The following SOD2 variants were observed in gnomAD, a reference collection of about 807,000 sequenced individuals.
SOD2 encodes superoxide dismutase [Mn], mitochondrial.
SOD2 carries 11 observed loss-of-function variants against 27.0 expected under a neutral mutation model. That is an observed-to-expected ratio of 0.41 (90% CI 0.26 to 0.67). SOD2 has a LOEUF of 0.67. Ranked by LOEUF, SOD2 falls within the 30% of genes least tolerant of loss-of-function variation. The pLI, the probability that SOD2 is intolerant of heterozygous loss-of-function variation, is 0.34. For missense variants in SOD2, 250 were observed against 274.5 expected (o/e 0.91, Z 0.63); for synonymous variants, 105 against 103.0 (o/e 1.02, Z -0.12).
upstream of SOD2, among the ~76,000 whole-genome samples, chr6:159,695,692 C>A (rs1339657726): frequency 6.6e-6 from 1 of 151,978 alleles, no homozygotes; most frequent in African/African-American, 2.4e-5. Flanking sequence ...AACAGAGTTT[C>A]TTCATGTTGC....
chr6:159,728,084 G>A (rs1472303757), upstream of SOD2, among the ~76,000 whole-genome samples: 1 of 152,222 alleles, frequency 6.6e-6, no homozygotes, highest in Non-Finnish European at 1.5e-5. Context: ...GCACTAACGA[G>A]TTCAGCAAGG....
At chr6:159,740,042 G>C (rs1779156153) in intron 1 of SOD2, among the ~76,000 whole-genome samples, 1 of 151,812 alleles carries the variant, frequency 6.6e-6, no homozygotes, top group African/African-American at 2.4e-5. Context: ...TAATAGAGGT[G>C]AGGTGCTGCT....
chr6:159,752,530 A>T (rs1583107679), intron 1 of SOD2, among the ~76,000 whole-genome samples: 1 of 152,184 alleles, frequency 6.6e-6, no homozygotes, highest in Non-Finnish European at 1.5e-5. Flanking sequence ...AGCATTTGGA[A>T]ACTATAATCT....
intron 1 of SOD2, among the ~76,000 whole-genome samples, chr6:159,699,247 T>C (rs1777484476): frequency 1.3e-5 from 2 of 152,254 alleles, no homozygotes. Flanking sequence ...TCATCACTCT[T>C]GGACCTAAAG....
upstream of SOD2, chr6:159,727,361 G>C: frequency 2.4e-6 from 3 of 1,249,478 alleles, no homozygotes; most frequent in Non-Finnish European, 3.1e-6. Flanking sequence ...CGAACATGGC[G>C]GAGCGGGGAG....
chr6:159,681,853 T>A lies in SOD2; in HGVS notation c.*640A>T, dbSNP rs5746137. On this transcript the variant is annotated 3_prime_UTR_variant, in exon 5 of 5. Coordinates refer to ENST00000538183, the MANE Select transcript of SOD2 (RefSeq NM_000636.4). ...CGCCCTGCAAATAAACATCCTCCTT[T>A]CTCCTACTGCAAAAACCACCTTTTT... The A allele has an allele frequency of 0.017, 2,539 of 152,280 alleles. 32 individuals are homozygous for A. Among genetic ancestry groups the A allele is most frequent in the Non-Finnish European group, 0.024 (1,626 of 68,038 alleles). 9.4% of individuals were successfully genotyped at this position (152,280 alleles called of 1,614,324 possible).
Position 159,672,936 on chromosome 6 carries a change from C to T in SOD2, c.*9557G>A, listed in dbSNP as rs1378287047. The T allele has an allele frequency of 5.3e-5, 8 of 151,794 alleles. No homozygotes were observed. The highest frequency in any genetic ancestry group is 7.4e-5 in the Non-Finnish European group (5 of 67,940). 9.4% of individuals were successfully genotyped at this position (151,794 alleles called of 1,614,324 possible). A position where few individuals can be genotyped will look rare whatever the true frequency, so the allele number is the denominator to read the frequency against. ...GCAAACGGAAAACAAAAAAAAAGGC[C>T]GGGGTTGCAATCCTAGTCTCTGATA... On this transcript the variant is annotated 3_prime_UTR_variant, in exon 5 of 5. Transcript: ENST00000538183.
At chr6:159,761,887 G>C (rs1780138687) in exon 1 of SOD2, 1 of 331,752 alleles carries the variant, frequency 3.0e-6, no homozygotes, top group Admixed American at 5.3e-5. Context: ...CCCGCGCCCC[G>C]CGCCCCGCGC....
chr6:159,688,872 T>C (rs958363708), intron 2 of SOD2, among the ~76,000 whole-genome samples: 3 of 152,056 alleles, frequency 2.0e-5, no homozygotes, highest in East Asian at 1.9e-4. Flanking sequence ...CCAATCTATA[T>C]AAAAGCACAC....
chr6:159,673,771 GAC>G lies in SOD2; in HGVS notation c.*8720_*8721del. The G allele has an allele frequency of 6.6e-6, 1 of 152,048 alleles. No individual in the cohort carries two copies. The highest frequency in any genetic ancestry group is 1.9e-4 in the East Asian group (1 of 5,190). 9.4% of individuals were successfully genotyped at this position (152,048 alleles called of 1,614,324 possible). ...TCAGAGCAGAACTGAAGGAGACAGAGACACAAAAAAACCTTCAAAAAATGAAT... is the reference window on the plus strand; with the variant it reads ...TCAGAGCAGAACTGAAGGAGACAGAGACAAAAAAACCTTCAAAAAATGAAT... On this transcript the variant is annotated 3_prime_UTR_variant, in exon 5 of 5. Transcript: ENST00000538183.
At chr6:159,692,433 CCCCAAGTT>C (rs1777253789) in intron 2 of SOD2, 1 of 1,402,474 alleles carries the variant, frequency 7.1e-7, no homozygotes, top group African/African-American at 1.5e-5. Context: ...CTTCGCAGGA[CCCCAAGTT>C]CCCTGAGATG....
intron 1 of SOD2, among the ~76,000 whole-genome samples, chr6:159,711,708 G>A (rs1404379846): frequency 1.9e-5 from 2 of 105,766 alleles, no homozygotes; most frequent in Non-Finnish European, 2.0e-5. Context: ...CACTCACACT[G>A]CTCTGATCAC....
At chr6:159,698,012 C>T (rs916589424), upstream of SOD2, among the ~76,000 whole-genome samples, 3 of 152,322 alleles carry the variant, frequency 2.0e-5, no homozygotes, top group South Asian at 4.1e-4. Flanking sequence ...CAGTGGCTCA[C>T]GCCTATAATC....
intron 1 of SOD2, among the ~76,000 whole-genome samples, chr6:159,736,045 G>A (rs1172980912): frequency 6.6e-6 from 1 of 152,078 alleles, no homozygotes; most frequent in Non-Finnish European, 1.5e-5. Flanking sequence ...GTTAACAAAG[G>A]AAGATCTGGG....
chr6:159,720,847 C>CTTTTTTTTTTT (rs763455003), intron 1 of SOD2, among the ~76,000 whole-genome samples: 1 of 59,962 alleles, frequency 1.7e-5, no homozygotes, highest in Non-Finnish European at 2.9e-5. Context: ...TTTTCTTTAC[C>CTTTTTTTTTTT]TTTTTTTTTT....
chr6:159,755,434 T>C lies in SOD2; in HGVS notation c.-336+5603A>G. The C allele has an allele frequency of 5.0e-6, 8 of 1,614,046 alleles. No homozygotes were observed. The Admixed American group carries it at 6.7e-5, about 13-fold the overall frequency. ...ATCAACTCAGTGCGGGGTATGAAAG[T>C]GTAGACTCTCCCACGGGCAGTGAAA... On this transcript the variant is annotated intron_variant, in intron 1 of 7. Coordinates refer to the SOD2 transcript ENST00000546087.
chr6:159,713,036 TC>T (rs1373325291), intron 1 of SOD2: 1 of 643,034 alleles, frequency 1.6e-6, no homozygotes, highest in Non-Finnish European at 2.8e-6. Context: ...TGTCATCGTG[TC>T]CAATTTCAAT....
At chr6:159,754,686 T>C (rs753751899) in intron 1 of SOD2, among the ~76,000 whole-genome samples, 4 of 152,184 alleles carry the variant, frequency 2.6e-5, no homozygotes, top group Admixed American at 6.5e-5. Context: ...AAAATAGTTA[T>C]TTTACTGTAT....
At position 159,738,670 on chromosome 6, in the gene SOD2, G is replaced by A. The variant is rs113886498; in HGVS notation, c.-116+6460C>T. Among the ~76,000 whole-genome samples, 1,092 of 152,192 alleles carry A rather than the reference G, an allele frequency of 7.2e-3. 5 individuals carry two copies. The highest frequency in any genetic ancestry group is 0.013 in the East Asian group (66 of 5,182). ...AGATACCATTTTTATATTCTCACCT[G>A]CAGTGTAGGAAACTTCAGTTTCTCT... On this transcript the variant is annotated intron_variant, in intron 1 of 3. Coordinates refer to the SOD2 transcript ENST00000537657.
Sources: allele counts gnomAD v4.1 joint callset (sites outside exome capture counted in the v4.1 genomes callset), GRCh38; gene constraint gnomAD v4.1.1; transcripts MANE v1.5; gene names NCBI Gene and HGNC (gene_info 2026-07-23, HGNC 2026-07-21).